The following AIG1 variants were observed in gnomAD, a reference collection of about 807,000 sequenced individuals.
The protein encoded by AIG1 is androgen-induced gene 1 protein.
AIG1 carries 23 observed loss-of-function variants against 31.4 expected under a neutral mutation model. The ratio of observed to expected loss-of-function variants is 0.73; its 90% CI spans 0.53 to 1.04. AIG1 has a LOEUF of 1.04. Among genes scored for constraint, AIG1 ranks in the 50% least tolerant of loss-of-function variants. The pLI is 0.00. For missense variants in AIG1, 274 were observed against 295.0 expected, an observed-to-expected ratio of 0.93 and a Z score of 0.52; for synonymous variants, 100 against 110.5, an observed-to-expected ratio of 0.90 and a Z score of 0.60.
intron 1 of AIG1, among the ~76,000 whole-genome samples, chr6:143,074,336 A>G (rs1777550888): frequency 6.6e-6 from 1 of 152,200 alleles, no homozygotes; most frequent in Non-Finnish European, 1.5e-5. Context: ...TTTTCTGGGA[A>G]CTATTCCCGT....
intron 3 of AIG1, among the ~76,000 whole-genome samples, chr6:143,219,694 CA>C (rs1792319886): frequency 6.6e-6 from 1 of 152,206 alleles, no homozygotes; most frequent in African/African-American, 2.4e-5. Context: ...TCAGATTATT[CA>C]TTATCATGAT....
At chr6:143,343,063 C>A (rs1243590795), downstream of AIG1, 5 of 782,994 alleles carry the variant, frequency 6.4e-6, no homozygotes, top group Non-Finnish European at 1.2e-5. Context: ...TGGACCATCA[C>A]TTGGTGCATC....
intron 3 of AIG1, among the ~76,000 whole-genome samples, chr6:143,216,474 C>G (rs533283330): frequency 1.3e-5 from 2 of 152,274 alleles, no homozygotes; most frequent in East Asian, 3.9e-4. Flanking sequence ...TTCAGGCTGC[C>G]TGGATGATAG....
At chr6:143,255,800 A>G (rs1795341445) in intron 3 of AIG1, among the ~76,000 whole-genome samples, 1 of 152,176 alleles carries the variant, frequency 6.6e-6, no homozygotes, top group African/African-American at 2.4e-5. Context: ...ATATTAACTT[A>G]ATTATTTTTC....
chr6:143,276,009 TACAC>T (rs1583703444), intron 3 of AIG1, among the ~76,000 whole-genome samples: 1 of 152,200 alleles, frequency 6.6e-6, no homozygotes, highest in East Asian at 1.9e-4. Context: ...AAAGAGAAAA[TACAC>T]ACCGCACTGC....
intron 4 of AIG1, among the ~76,000 whole-genome samples, chr6:143,317,997 A>T (rs1030425673): frequency 2.0e-5 from 3 of 152,126 alleles, no homozygotes; most frequent in African/African-American, 7.2e-5. Context: ...GAAATTATAG[A>T]CTACACAAAC....
intron 1 of AIG1, among the ~76,000 whole-genome samples, chr6:143,096,494 T>TG (rs1779807725): frequency 6.6e-6 from 1 of 152,186 alleles, no homozygotes; most frequent in African/African-American, 2.4e-5. Flanking sequence ...AGCATGAGAG[T>TG]GACTAAGTTA....
intron 3 of AIG1, chr6:143,187,325 C>A: frequency 2.2e-6 from 3 of 1,356,890 alleles, no homozygotes; most frequent in South Asian, 2.5e-5. Context: ...CAAATATGAA[C>A]TAATCAGACC....
At chr6:143,077,081 A>G (rs560231254) in intron 1 of AIG1, among the ~76,000 whole-genome samples, 1 of 152,272 alleles carries the variant, frequency 6.6e-6, no homozygotes, top group East Asian at 1.9e-4. Flanking sequence ...GCTTTACACA[A>G]TCTACTTAGA....
intron 1 of AIG1, chr6:143,093,914 T>C (rs1378607716): frequency 6.6e-6 from 1 of 152,148 alleles, no homozygotes; most frequent in African/African-American, 2.4e-5. Flanking sequence ...CCAAAACAAT[T>C]ATAATAGTAA....
At position 143,338,768 on chromosome 6, in the gene AIG1, A is replaced by G. The variant is rs1777697111; in HGVS notation, c.680-871A>G. 1 of 152,186 alleles carries G rather than the reference A, an allele frequency of 6.6e-6. No individual in the cohort carries two copies. Among genetic ancestry groups the G allele is most frequent in the African/African-American group, 2.4e-5 (1 of 41,442 alleles). The allele number at this position is 152,186 out of a possible 1,614,324, so 9.4% of individuals were successfully genotyped here. ...AGGGCCCTACCCTCAGAAAGCTTGCAATTTATGAAAGAATACTAACAAAAC... is the reference window on the plus strand; with the variant it reads ...AGGGCCCTACCCTCAGAAAGCTTGCGATTTATGAAAGAATACTAACAAAAC... On this transcript the variant is annotated intron_variant, in intron 5 of 5. Coordinates refer to ENST00000357847, the MANE Select transcript of AIG1 (RefSeq NM_016108.4). This position sits in a 1 kb window ranked among gnomAD's most constrained non-coding sequence, Gnocchi z 4.3.
At chr6:143,273,060 C>T (rs954331338) in intron 3 of AIG1, among the ~76,000 whole-genome samples, 4 of 152,036 alleles carry the variant, frequency 2.6e-5, no homozygotes, top group African/African-American at 4.8e-5. Flanking sequence ...ACCCGGGAGG[C>T]GGAGGTTGAA....
At position 143,293,463 on chromosome 6, in the gene AIG1, C is replaced by T. The variant is rs1798198713; in HGVS notation, c.515+9238C>T. ...CACTGTGCTGAGAATGCACTATTTT[C>T]TCATCTTCTAAGGAAAAGTCTATCT... On this transcript the variant is annotated intron_variant, in intron 4 of 5. Transcript: ENST00000357847. This position sits in a 1 kb window ranked among gnomAD's most constrained non-coding sequence, Gnocchi z 4.8. Among the ~76,000 whole-genome samples the T allele has an allele frequency of 6.6e-6, 1 of 152,174 alleles. No homozygotes were observed. Among genetic ancestry groups the T allele is most frequent in the Admixed American group, 6.5e-5 (1 of 15,278 alleles).
chr6:143,161,559 G>A (rs1786381139), intron 2 of AIG1, among the ~76,000 whole-genome samples: 1 of 150,466 alleles, frequency 6.6e-6, no homozygotes, highest in Non-Finnish European at 1.5e-5. Flanking sequence ...ATATATGTGT[G>A]TGTGTGTGTA....
At chr6:143,337,499 G>T (rs190047292) in intron 5 of AIG1, among the ~76,000 whole-genome samples, 240 of 152,056 alleles carry the variant, frequency 1.6e-3, no homozygotes, top group African/African-American at 5.5e-3. Flanking sequence ...GAGCGCGGGG[G>T]GGGACACAAT....
At chr6:143,092,282 T>G (rs1325322944) in intron 1 of AIG1, among the ~76,000 whole-genome samples, 1 of 147,422 alleles carries the variant, frequency 6.8e-6, no homozygotes, top group Non-Finnish European at 1.5e-5. Context: ...TTTTTTGATT[T>G]TTTTTTTTTT....
At chr6:143,117,821 G>A (rs115303154) in intron 1 of AIG1, among the ~76,000 whole-genome samples, 4 of 152,176 alleles carry the variant, frequency 2.6e-5, no homozygotes, top group Admixed American at 6.5e-5. Flanking sequence ...TGCACTTCTG[G>A]GAAAATGTGG....
chr6:143,287,986 A>G (rs2128684570), intron 4 of AIG1, among the ~76,000 whole-genome samples: 1 of 152,270 alleles, frequency 6.6e-6, no homozygotes, highest in Admixed American at 6.5e-5. Context: ...AAGAATGATT[A>G]GGAAATCTTA....
At chr6:143,201,930 C>T (rs1397008311) in intron 3 of AIG1, among the ~76,000 whole-genome samples, 2 of 152,142 alleles carry the variant, frequency 1.3e-5, no homozygotes, top group African/African-American at 2.4e-5. Context: ...TCTTCCACAT[C>T]AAACACATCA....
Sources: allele counts gnomAD v4.1 joint callset (sites outside exome capture counted in the v4.1 genomes callset), GRCh38; gene constraint gnomAD v4.1.1; non-coding constraint Gnocchi (gnomAD v3.1); transcripts MANE v1.5; gene names NCBI Gene and HGNC (gene_info 2026-07-23, HGNC 2026-07-21).